HEMK2: variants seen among roughly 807,000 people sequenced by gnomAD.
HEMK2 encodes methyltransferase HEMK2.
At chr21:28,598,175 C>T in the HEMK2 span, among the ~76,000 whole-genome samples, 1 of 152,112 alleles carries the variant, frequency 6.6e-6, no homozygotes, top group East Asian at 1.9e-4. Context: ...CAGGATTGGC[C>T]CTGGAAGACG....
At chr21:28,651,932 C>T in the HEMK2 span, among the ~76,000 whole-genome samples, 2 of 152,150 alleles carry the variant, frequency 1.3e-5, no homozygotes, top group African/African-American at 4.8e-5. Context: ...CCACATTATA[C>T]CTGTCTTATA....
chr21:28,594,763 A>C, the HEMK2 span, among the ~76,000 whole-genome samples: 2 of 152,202 alleles, frequency 1.3e-5, no homozygotes, highest in African/African-American at 4.8e-5. Context: ...GTGTCATTGA[A>C]TACTAAACCT....
the HEMK2 span, among the ~76,000 whole-genome samples, chr21:28,710,537 T>C: frequency 6.6e-6 from 1 of 152,232 alleles, no homozygotes; most frequent in African/African-American, 2.4e-5. Context: ...ACCTAAATAC[T>C]TTATAACTCA....
the HEMK2 span, among the ~76,000 whole-genome samples, chr21:28,714,047 C>A: frequency 6.6e-6 from 1 of 152,154 alleles, no homozygotes; most frequent in Admixed American, 6.5e-5. Context: ...TACTGTACGC[C>A]AGAATAATAG....
the HEMK2 span, among the ~76,000 whole-genome samples, chr21:28,786,396 T>G: frequency 2.0e-5 from 3 of 152,198 alleles, no homozygotes; most frequent in African/African-American, 7.2e-5. Context: ...TTGGGCCAGG[T>G]GCAGTGGCTC....
chr21:28,799,274 A>G, the HEMK2 span, among the ~76,000 whole-genome samples: 46 of 152,338 alleles, frequency 3.0e-4, 1 homozygote, highest in Middle Eastern at 6.8e-3. Context: ...CATGGTGGCA[A>G]ACAAGAGAAG....
the HEMK2 span, among the ~76,000 whole-genome samples, chr21:28,591,490 C>G: frequency 1.3e-5 from 2 of 152,152 alleles, no homozygotes; most frequent in African/African-American, 4.8e-5. Context: ...CTTACATATG[C>G]AAATAATATA....
At chr21:28,582,813 T>C in the HEMK2 span, among the ~76,000 whole-genome samples, 1 of 152,226 alleles carries the variant, frequency 6.6e-6, no homozygotes, top group Non-Finnish European at 1.5e-5. Flanking sequence ...TTGGTGTTTT[T>C]CCCTGATGGT....
the HEMK2 span, chr21:28,626,667 G>T: frequency 6.6e-6 from 1 of 152,074 alleles, no homozygotes; most frequent in Admixed American, 6.6e-5. Flanking sequence ...AACACATCCA[G>T]GCCCCATCTC....
chr21:28,810,229 G>A, the HEMK2 span, among the ~76,000 whole-genome samples: 1 of 152,080 alleles, frequency 6.6e-6, no homozygotes, highest in South Asian at 2.1e-4. Flanking sequence ...TCAAGAAGCA[G>A]TCATTTCCAT....
At chr21:28,665,387 A>T in the HEMK2 span, among the ~76,000 whole-genome samples, 903 of 14,036 alleles carry the variant, frequency 0.064, no homozygotes, top group Non-Finnish European at 0.075. Flanking sequence ...TTTTTTTTTA[A>T]TTTTTTTTTT....
the HEMK2 span, among the ~76,000 whole-genome samples, chr21:28,841,000 TATATTA>T: frequency 8.9e-6 from 1 of 112,202 alleles, no homozygotes; most frequent in East Asian, 2.4e-4. Flanking sequence ...GATACATATA[TATATTA>T]TATATATAAT....
the HEMK2 span, among the ~76,000 whole-genome samples, chr21:28,758,976 C>T: frequency 4.2e-4 from 64 of 152,306 alleles, 2 homozygotes; most frequent in South Asian, 0.013. Flanking sequence ...AGTAGTCTGG[C>T]ATAGCTGGTT....
At chr21:28,754,349 C>T in the HEMK2 span, among the ~76,000 whole-genome samples, 2 of 152,200 alleles carry the variant, frequency 1.3e-5, no homozygotes, top group Admixed American at 1.3e-4. Context: ...CTGAACTTGG[C>T]GGAGCCTACC....
chr21:28,712,783 T>C, the HEMK2 span, among the ~76,000 whole-genome samples: 2 of 152,214 alleles, frequency 1.3e-5, no homozygotes, highest in Admixed American at 6.5e-5. Context: ...AACCTAACTA[T>C]GAAGAAAGCA....
At chr21:28,711,392 C>T in the HEMK2 span, among the ~76,000 whole-genome samples, 8 of 152,192 alleles carry the variant, frequency 5.3e-5, no homozygotes, top group South Asian at 1.5e-3. Flanking sequence ...TGAATTTGGT[C>T]CAGGCCAAAC....
At chr21:28,651,108 C>A in the HEMK2 span, among the ~76,000 whole-genome samples, 1 of 152,176 alleles carries the variant, frequency 6.6e-6, no homozygotes, top group Non-Finnish European at 1.5e-5. Context: ...GTTAGAGCTA[C>A]ATTGCTATTC....
the HEMK2 span, among the ~76,000 whole-genome samples, chr21:28,799,383 T>C: frequency 1.3e-5 from 2 of 152,132 alleles, no homozygotes; most frequent in African/African-American, 4.8e-5. Flanking sequence ...ACCCCCATGA[T>C]TCAATTACCT....
the HEMK2 span, among the ~76,000 whole-genome samples, chr21:28,756,442 A>T: frequency 6.6e-5 from 10 of 152,252 alleles, no homozygotes; most frequent in African/African-American, 2.2e-4. Context: ...GTAGAAAATG[A>T]TCTCAGGAAA....
Sources: gnomAD v4.1 joint callset for allele counts (sites outside exome capture counted in the v4.1 genomes callset) on GRCh38, gnomAD v4.1.1 for gene constraint, MANE v1.5 for transcripts, NCBI Gene and HGNC (gene_info 2026-07-23, HGNC 2026-07-21) for gene names.